TRDN: variants seen among roughly 807,000 people sequenced by gnomAD.
TRDN encodes the protein triadin in skeletal muscle.
Under a neutral mutation model 149.7 loss-of-function variants are expected in TRDN, and 161 were observed. That is an observed-to-expected ratio of 1.08 (90% CI 0.95 to 1.23). TRDN has a LOEUF of 1.23. Among genes scored for constraint, TRDN ranks in the 50% most tolerant of loss-of-function variants. The pLI, the probability that TRDN is intolerant of heterozygous loss-of-function variation, is 0.00. For synonymous variants in TRDN, 294 were observed against 250.5 expected, an observed-to-expected ratio of 1.17 and a Z score of -1.64; for missense variants, 896 against 823.5, an observed-to-expected ratio of 1.09 and a Z score of -1.08.
chr6:123,291,368 T>C (rs1562248018), intron 24 of TRDN, among the ~76,000 whole-genome samples: 1 of 151,838 alleles, frequency 6.6e-6, no homozygotes, highest in African/African-American at 2.4e-5. Flanking sequence ...ATTGGGACCA[T>C]CCTGGCTAAC....
At chr6:123,279,169 A>G in intron 24 of TRDN, 87 bp from the exon 25 acceptor site, 1 of 1,117,958 alleles carries the variant, frequency 8.9e-7, no homozygotes, top group Non-Finnish European at 1.2e-6. Context: ...ATATATTTGA[A>G]AATAAAAATG....
intron 33 of TRDN, among the ~76,000 whole-genome samples, chr6:123,263,758 G>T: frequency 6.6e-6 from 1 of 152,100 alleles, no homozygotes. Flanking sequence ...TCTCTTGTTG[G>T]AGGCTAGTGA....
At chr6:123,394,380 C>T (rs1184673145) in intron 12 of TRDN, among the ~76,000 whole-genome samples, 1 of 151,702 alleles carries the variant, frequency 6.6e-6, no homozygotes, top group Non-Finnish European at 1.5e-5. Flanking sequence ...ATAAAAATTT[C>T]AAAAAATAAC....
chr6:123,418,022 C>T (rs1249433847), intron 12 of TRDN, among the ~76,000 whole-genome samples: 1 of 152,118 alleles, frequency 6.6e-6, no homozygotes, highest in African/African-American at 2.4e-5. Flanking sequence ...TTATTTGGCT[C>T]TCACAATTAA....
At chr6:123,334,691 A>G (rs914465442) in intron 22 of TRDN, among the ~76,000 whole-genome samples, 1 of 152,000 alleles carries the variant, frequency 6.6e-6, no homozygotes, top group South Asian at 2.1e-4. Flanking sequence ...GGCAAGACAT[A>G]TCATTCTCCT....
chr6:123,315,046 G>A (rs1778974599), intron 24 of TRDN, among the ~76,000 whole-genome samples: 1 of 151,840 alleles, frequency 6.6e-6, no homozygotes, highest in African/African-American at 2.4e-5. Context: ...AATACTTAAT[G>A]TAAACTAATA....
At chr6:123,537,228 T>G (rs1780595340) in intron 4 of TRDN, among the ~76,000 whole-genome samples, 1 of 152,200 alleles carries the variant, frequency 6.6e-6, no homozygotes, top group Non-Finnish European at 1.5e-5. Flanking sequence ...GATTTAATAT[T>G]ATTACATTTC....
At chr6:123,456,895 A>G (rs1201879964) in intron 10 of TRDN, 2 of 455,780 alleles carry the variant, frequency 4.4e-6, no homozygotes, top group Non-Finnish European at 4.4e-6. Context: ...ACAAGCTGGT[A>G]TAATAGGAAG....
At chr6:123,296,457 A>G (rs1203140838) in intron 24 of TRDN, among the ~76,000 whole-genome samples, 1 of 152,200 alleles carries the variant, frequency 6.6e-6, no homozygotes, top group Non-Finnish European at 1.5e-5. Flanking sequence ...CAATCAGTTT[A>G]GAAATGTTAC....
At chr6:123,526,409 G>A (rs920961330) in intron 5 of TRDN, among the ~76,000 whole-genome samples, 5 of 151,848 alleles carry the variant, frequency 3.3e-5, no homozygotes, top group African/African-American at 9.7e-5. Flanking sequence ...AGCAAATTCT[G>A]GTGCTACAGA....
chr6:123,434,529 TTTTGATTA>T (rs954147786), intron 12 of TRDN, among the ~76,000 whole-genome samples: 3 of 152,122 alleles, frequency 2.0e-5, no homozygotes, highest in African/African-American at 7.2e-5. Context: ...ATAATCCAAA[TTTTGATTA>T]TTTGATTTCA....
At chr6:123,576,101 A>C (rs2114559316) in intron 1 of TRDN, among the ~76,000 whole-genome samples, 1 of 152,264 alleles carries the variant, frequency 6.6e-6, no homozygotes, top group Admixed American at 6.5e-5. Flanking sequence ...ATGGCATTAT[A>C]TGTGTTATTC....
chr6:123,534,924 T>C (rs1029871688), intron 4 of TRDN, among the ~76,000 whole-genome samples: 8 of 152,160 alleles, frequency 5.3e-5, no homozygotes, highest in African/African-American at 1.7e-4. Context: ...AGTCATTATT[T>C]ACCTCCACAT....
chr6:123,451,490 A>G (rs1390255035), intron 10 of TRDN, among the ~76,000 whole-genome samples: 2 of 152,082 alleles, frequency 1.3e-5, no homozygotes, highest in Admixed American at 6.5e-5. Context: ...CACATAAACT[A>G]AAAACCTAGA....
chr6:123,346,182 C>A (rs1281340160), intron 21 of TRDN, among the ~76,000 whole-genome samples: 1 of 151,912 alleles, frequency 6.6e-6, no homozygotes, highest in African/African-American at 2.4e-5. Context: ...AAATTATTTA[C>A]CAAGTTTAAG....
chr6:123,379,131 A>G (rs570146708), intron 16 of TRDN, among the ~76,000 whole-genome samples: 1 of 152,196 alleles, frequency 6.6e-6, no homozygotes, highest in Non-Finnish European at 1.5e-5. Flanking sequence ...TATTTAATGA[A>G]TAGATTTTGA....
intron 38 of TRDN, among the ~76,000 whole-genome samples, chr6:123,226,193 C>T (rs747449587): frequency 6.6e-6 from 1 of 151,672 alleles, no homozygotes; most frequent in Non-Finnish European, 1.5e-5. Context: ...TGACCATGGT[C>T]TTGAACTGCT....
chr6:123,319,950 G>T (rs1221901273), intron 23 of TRDN, among the ~76,000 whole-genome samples: 1 of 152,086 alleles, frequency 6.6e-6, no homozygotes, highest in African/African-American at 2.4e-5. Context: ...ACTTCAGCAT[G>T]CAAGTGCTTA....
intron 1 of TRDN, among the ~76,000 whole-genome samples, chr6:123,610,563 A>C (rs571777193): frequency 2.6e-5 from 4 of 152,310 alleles, no homozygotes; most frequent in Non-Finnish European, 4.4e-5. Flanking sequence ...TGACAGAGAT[A>C]TCTATTAAAT....
Sources: allele counts gnomAD v4.1 joint callset (sites outside exome capture counted in the v4.1 genomes callset), GRCh38; gene constraint gnomAD v4.1.1; transcripts MANE v1.5; gene names NCBI Gene and HGNC (gene_info 2026-07-23, HGNC 2026-07-21).